DUSP22: variants seen among roughly 807,000 people sequenced by gnomAD.
The protein encoded by DUSP22 is dual specificity phosphatase 22.
Under a neutral mutation model 24.5 loss-of-function variants are expected in DUSP22, and 24 were observed. The ratio of observed to expected loss-of-function variants is 0.98; its 90% CI spans 0.71 to 1.38. The LOEUF (loss-of-function observed/expected upper bound fraction) is 1.38. DUSP22 is among the 40% of genes most tolerant of loss of function. The pLI is 0.00. For synonymous variants in DUSP22, 160 were observed against 106.4 expected, an observed-to-expected ratio of 1.50 and a Z score of -3.10; for missense variants, 330 against 269.2, an observed-to-expected ratio of 1.23 and a Z score of -1.58.
At chr6:325,551 A>G (rs1442776534) in intron 3 of DUSP22, 3 of 146,062 alleles carry the variant, frequency 2.1e-5, no homozygotes, top group Non-Finnish European at 3.9e-5. Flanking sequence ...GCAATGCTGT[A>G]TCTGCGGGTG....
chr6:319,376 G>A (rs1758483641), intron 3 of DUSP22, among the ~76,000 whole-genome samples: 1 of 152,304 alleles, frequency 6.6e-6, no homozygotes, highest in Non-Finnish European at 1.5e-5. Context: ...GCTACATCCT[G>A]TTGTCCACGG....
intron 4 of DUSP22, among the ~76,000 whole-genome samples, chr6:337,655 G>A (rs111392443): frequency 0.013 from 1,987 of 151,772 alleles, no homozygotes; most frequent in Non-Finnish European, 0.023. Flanking sequence ...TTTAGGGGTT[G>A]CAGGTGCAAT....
At chr6:314,729 C>CTT (rs1158099200) in intron 3 of DUSP22, among the ~76,000 whole-genome samples, 3 of 152,310 alleles carry the variant, frequency 2.0e-5, no homozygotes, top group Non-Finnish European at 2.9e-5. Flanking sequence ...ATTGTATGTG[C>CTT]TTGCTTATGT....
At chr6:307,445 G>A (rs1200482726) in intron 2 of DUSP22, among the ~76,000 whole-genome samples, 6 of 152,296 alleles carry the variant, frequency 3.9e-5, no homozygotes, top group South Asian at 2.1e-4. Context: ...GTTTTGTAGC[G>A]CCTGGTGATT....
Position 349,158 on chromosome 6 carries a change from G to A in DUSP22, c.*207G>A. The stretch of plus-strand genomic sequence containing the variant: ...CCCTACCCTGGCTGCACCTGAGCTT[G>A]CTGCCCCTGGGGATGTTGCCCAGTG... On this transcript the variant is annotated 3_prime_UTR_variant, in exon 7 of 7. Coordinates refer to ENST00000419235, the MANE Select transcript of DUSP22 (RefSeq NM_001286555.3). The A allele has an allele frequency of 1.4e-6, 2 of 1,434,140 alleles. No homozygotes were observed. Among genetic ancestry groups the A allele is most frequent in the South Asian group, 3.0e-5 (2 of 67,062 alleles). 88.8% of individuals were successfully genotyped at this position (1,434,140 alleles called of 1,614,324 possible). A position where few individuals can be genotyped will look rare whatever the true frequency, so the allele number is the denominator to read the frequency against.
intron 2 of DUSP22, among the ~76,000 whole-genome samples, chr6:311,570 C>A (rs1198658352): frequency 6.6e-6 from 1 of 152,298 alleles, no homozygotes; most frequent in Non-Finnish European, 1.5e-5. Flanking sequence ...GTCCCAGCTA[C>A]TCGGGAAGCT....
chr6:340,350 T>TG (rs1477159319), intron 4 of DUSP22, among the ~76,000 whole-genome samples: 1 of 152,304 alleles, frequency 6.6e-6, no homozygotes, highest in Non-Finnish European at 1.5e-5. Context: ...CTGGGTGGAC[T>TG]GGGGGCTTCA....
chr6:330,855 A>G (rs1364919400), intron 3 of DUSP22, among the ~76,000 whole-genome samples: 1 of 152,308 alleles, frequency 6.6e-6, no homozygotes, highest in Non-Finnish European at 1.5e-5. Context: ...AGCATCTTCC[A>G]AATTTTTACA....
In DUSP22 at chr6:349,067, G is replaced by C; in HGVS notation, c.*116G>C. The C allele has an allele frequency of 6.8e-7, 1 of 1,479,862 alleles. No individual in the cohort carries two copies. The highest frequency in any genetic ancestry group is 1.4e-5 in the South Asian group (1 of 72,736). 91.7% of individuals were successfully genotyped at this position (1,479,862 alleles called of 1,614,324 possible). A position where few individuals can be genotyped will look rare whatever the true frequency, so the allele number is the denominator to read the frequency against. ...AAAGGGAGATAGCCAGGGCGAGGTG[G>C]GGCGAGGGCTCCTTCCCCCAAGCAA... On this transcript the variant is annotated 3_prime_UTR_variant, in exon 7 of 7. Transcript: ENST00000419235.
intron 3 of DUSP22, chr6:325,474 G>A: frequency 4.5e-6 from 1 of 221,326 alleles, no homozygotes; most frequent in Non-Finnish European, 8.4e-6. Context: ...GTATCCTGGT[G>A]TGTGCAGTGC....
rs566604370 is a variant in DUSP22, at chr6:336,473, T to G, written c.188+1310T>G. On this transcript the variant is annotated intron_variant, in intron 4 of 6. Coordinates refer to ENST00000419235, the MANE Select transcript of DUSP22 (RefSeq NM_001286555.3). ...TCTGGGAGTTATTGAACGCTGGCCA[T>G]CAGCCGACCTTGAGCCTTCACTGGG... Among the ~76,000 whole-genome samples the G allele has an allele frequency of 3.8e-3, 584 of 152,266 alleles. 2 individuals carry two copies. Among genetic ancestry groups the G allele is most frequent in the Admixed American group, 0.032 (489 of 15,176 alleles).
At position 348,953 on chromosome 6, in the gene DUSP22, G is replaced by T. The variant is rs777172514; in HGVS notation, c.*2G>T. On this transcript the variant is annotated 3_prime_UTR_variant, in exon 7 of 7. Coordinates refer to ENST00000419235, the MANE Select transcript of DUSP22 (RefSeq NM_001286555.3). ...GATAATTATACGACGGAGACCTAAC[G>T]CAAGCGACCTGCTGCCTTCCTTCCC... The T allele has an allele frequency of 6.3e-7, 1 of 1,583,032 alleles. No individual in the cohort carries two copies. Among genetic ancestry groups the T allele is most frequent in the Admixed American group, 1.8e-5 (1 of 54,524 alleles).
chr6:326,194 G>T, intron 3 of DUSP22: 1 of 218,438 alleles, frequency 4.6e-6, no homozygotes, highest in Non-Finnish European at 8.6e-6. Flanking sequence ...TGCCTGGAGA[G>T]TCATCTGCCC....
At chr6:341,154 G>A (rs935884584) in intron 4 of DUSP22, among the ~76,000 whole-genome samples, 12 of 152,414 alleles carry the variant, frequency 7.9e-5, no homozygotes, top group East Asian at 1.9e-4. Flanking sequence ...AGCCCCGGGC[G>A]CTGTTTGGTG....
chr6:346,067 A>G (rs1231031907), intron 5 of DUSP22, 139 bp downstream of exon 5: 2 of 1,078,390 alleles, frequency 1.9e-6, no homozygotes, highest in African/African-American at 1.6e-5. Context: ...CGCGTGCTCC[A>G]TTTGTCCAGC....
intron 2 of DUSP22, among the ~76,000 whole-genome samples, chr6:306,241 A>G (rs566762927): frequency 6.6e-6 from 1 of 152,310 alleles, no homozygotes; most frequent in African/African-American, 2.4e-5. Flanking sequence ...TCTTAGAAGT[A>G]GAATTGCTAG....
intron 1 of DUSP22, among the ~76,000 whole-genome samples, chr6:298,995 C>T (rs866501808): frequency 2.6e-5 from 4 of 152,304 alleles, no homozygotes; most frequent in Non-Finnish European, 2.9e-5. Context: ...GGAGAGACCT[C>T]CCTGGAAATG....
chr6:314,297 C>A (rs560134095), intron 3 of DUSP22, among the ~76,000 whole-genome samples: 1 of 152,304 alleles, frequency 6.6e-6, no homozygotes, highest in Non-Finnish European at 1.5e-5. Context: ...CCGCTGGCTT[C>A]TCTGGGCAGC....
intron 3 of DUSP22, among the ~76,000 whole-genome samples, chr6:323,432 G>A (rs777876281): frequency 1.8e-4 from 28 of 152,418 alleles, no homozygotes; most frequent in South Asian, 1.4e-3. Flanking sequence ...GAAATGCATG[G>A]TGAAAGTTCT....
Sources: gnomAD v4.1 joint callset for allele counts (sites outside exome capture counted in the v4.1 genomes callset) on GRCh38, gnomAD v4.1.1 for gene constraint, MANE v1.5 for transcripts, NCBI Gene and HGNC (gene_info 2026-07-23, HGNC 2026-07-21) for gene names.